The following PDGFD variants were observed in gnomAD, a reference collection of about 807,000 sequenced individuals.
PDGFD encodes platelet derived growth factor D, also known as platelet-derived growth factor D.
PDGFD carries 30 observed loss-of-function variants against 44.7 expected under a neutral mutation model. That is an observed-to-expected ratio of 0.67 (90% CI 0.50 to 0.91). The LOEUF (loss-of-function observed/expected upper bound fraction) is 0.91, where lower values mean the gene tolerates loss of function less well. PDGFD is among the 40% of genes least tolerant of loss of function. The pLI, the probability that PDGFD is intolerant of heterozygous loss-of-function variation, is 0.00. For synonymous variants in PDGFD, 173 were observed against 168.4 expected (o/e 1.03, Z -0.21); for missense variants, 445 against 457.8 (o/e 0.97, Z 0.25).
intron 3 of PDGFD, 55 bp downstream of exon 3, chr11:103,996,010 C>G (rs1859529298): frequency 6.7e-7 from 1 of 1,491,250 alleles, no homozygotes; most frequent in Non-Finnish European, 9.2e-7. Context: ...AAATTGATCT[C>G]TACACTTCAT....
At chr11:104,003,830 G>A (rs1859657290) in intron 1 of PDGFD, among the ~76,000 whole-genome samples, 1 of 152,208 alleles carries the variant, frequency 6.6e-6, no homozygotes, top group South Asian at 2.1e-4. Flanking sequence ...AAGGGAAGGT[G>A]AAGCTTGGTG....
At chr11:104,001,880 T>C (rs79741346) in intron 1 of PDGFD, among the ~76,000 whole-genome samples, 2,878 of 152,314 alleles carry the variant, frequency 0.019, 98 homozygotes, top group African/African-American at 0.065. Flanking sequence ...AGGATAAGAA[T>C]TGGCATGTGA....
chr11:104,036,370 C>T (rs1198935798), intron 1 of PDGFD, among the ~76,000 whole-genome samples: 5 of 151,982 alleles, frequency 3.3e-5, no homozygotes, highest in Non-Finnish European at 7.4e-5. Flanking sequence ...CTTGAGCCTA[C>T]GAGGTCGAGG....
At chr11:104,091,489 T>C (rs949725187) in intron 1 of PDGFD, among the ~76,000 whole-genome samples, 1 of 152,180 alleles carries the variant, frequency 6.6e-6, no homozygotes, top group Admixed American at 6.6e-5. Context: ...CTCTGGGGTA[T>C]ATATTCAAAA....
Position 103,996,103 on chromosome 11 carries a change from C to G in PDGFD, c.472G>C (p.Val158Leu), listed in dbSNP as rs1159962221. 1.1e-5 allele frequency: 17 copies of G among 1,613,582 alleles called. No individual in the cohort carries two copies. In the South Asian group the frequency reaches 1.9e-4, roughly 18 times the overall value. ...TAAATCTTGAATCCAGGTTTAGCCA[C>G]AAAGTAGTCATCGGACTTGAATGTG... is the stretch of plus-strand genomic sequence containing the variant. ...KITFKSDDYF[V>L]AKPGFKIYYS... The change falls in exon 3 of 7, where the codon GTG (valine) becomes CTG (leucine). Residue 158 changes from valine to leucine, a missense_variant. Physicochemically the swap from Val to Leu is conservative, Grantham distance 32. Transcript: ENST00000393158.
At chr11:104,163,395 A>G (rs1222245758) in intron 1 of PDGFD, among the ~76,000 whole-genome samples, 2 of 152,330 alleles carry the variant, frequency 1.3e-5, no homozygotes, top group Admixed American at 6.5e-5. Context: ...ATAAACGTCT[A>G]TCACCCAGGG....
Position 104,119,175 on chromosome 11 carries a change from T to A in PDGFD, c.124+44629A>T, listed in dbSNP as rs1293727731. On this transcript the variant is annotated intron_variant, in intron 1 of 6. Coordinates refer to ENST00000393158, the MANE Select transcript of PDGFD (RefSeq NM_025208.5). ...ATATATTGATATAACATATAATATA[T>A]TAATATAATATATTGATATAATATA... Among the ~76,000 whole-genome samples, 77 of 8,476 alleles carry A rather than the reference T, an allele frequency of 9.1e-3. 24 individuals are homozygous for A. The highest frequency in any genetic ancestry group is 0.022 in the Admixed American group (4 of 178). 5.6% of individuals were successfully genotyped at this position (8,476 alleles called of 152,430 possible).
At position 103,985,137 on chromosome 11, in the gene PDGFD, TATATA is replaced by T. The variant is rs1243596266; in HGVS notation, c.510+10923_510+10927del. Reference sequence around the variant, plus strand: ...ATATATAATATATTAATTTATTTAATATATAATATATTAATTTATTTAATATATAA... The same window carrying T: ...ATATATAATATATTAATTTATTTAATATATATTAATTTATTTAATATATAA... On this transcript the variant is annotated intron_variant, in intron 3 of 6. Transcript: ENST00000393158. Among the ~76,000 whole-genome samples the T allele has an allele frequency of 2.4e-4, 34 of 141,566 alleles. 1 individual carries two copies. Among genetic ancestry groups the T allele is most frequent in the African/African-American group, 8.6e-4 (33 of 38,162 alleles). 92.9% of individuals were successfully genotyped at this position (141,566 alleles called of 152,430 possible).
intron 1 of PDGFD, among the ~76,000 whole-genome samples, chr11:104,026,634 C>T (rs756275088): frequency 6.6e-6 from 1 of 152,166 alleles, no homozygotes; most frequent in Non-Finnish European, 1.5e-5. Context: ...CATTTGGATG[C>T]CTGCTATCAT....
intron 3 of PDGFD, among the ~76,000 whole-genome samples, chr11:103,957,108 G>T (rs934783645): frequency 2.6e-5 from 4 of 152,040 alleles, no homozygotes; most frequent in African/African-American, 9.7e-5. Flanking sequence ...ATTGCTTTTG[G>T]TGTTTTAGAC....
intron 1 of PDGFD, among the ~76,000 whole-genome samples, chr11:104,012,816 G>A (rs1318935282): frequency 6.6e-6 from 1 of 152,212 alleles, no homozygotes; most frequent in African/African-American, 2.4e-5. Context: ...AATATTTAGA[G>A]CTATGCAGGG....
rs750400615 is a variant in PDGFD at position 104,037,920 on chromosome 11, G to T, written c.125-37665C>A. The T allele has an allele frequency of 1.2e-5, 19 of 1,614,042 alleles. No individual in the cohort carries two copies. The highest frequency in any genetic ancestry group is 1.6e-5 in the Non-Finnish European group (19 of 1,180,030). On this transcript the variant is annotated intron_variant, in intron 1 of 6. Coordinates refer to ENST00000393158, the MANE Select transcript of PDGFD (RefSeq NM_025208.5). The stretch of plus-strand genomic sequence containing the variant: ...CTTATTTTCTTCCTGAGGGAGAGTT[G>T]CCCTTATGCTCTAGGATGGTAAGTG...
At chr11:103,919,502 CTT>C (rs71037206) in intron 6 of PDGFD, among the ~76,000 whole-genome samples, 23 of 88,770 alleles carry the variant, frequency 2.6e-4, no homozygotes, top group African/African-American at 5.9e-4. Context: ...AAGATTCTTC[CTT>C]TTTTTTTTTT....
At chr11:103,993,476 C>T (rs1859490565) in intron 3 of PDGFD, among the ~76,000 whole-genome samples, 1 of 151,792 alleles carries the variant, frequency 6.6e-6, no homozygotes, top group East Asian at 1.9e-4. Flanking sequence ...GTTTAGCATT[C>T]TAAAATTTAT....
chr11:103,945,251 G>A (rs1441255955), intron 4 of PDGFD, among the ~76,000 whole-genome samples: 1 of 152,108 alleles, frequency 6.6e-6, no homozygotes, highest in Non-Finnish European at 1.5e-5. Flanking sequence ...TTCTGTTTCT[G>A]ATAGGTTGTC....
chr11:103,982,608 A>G (rs1859288309), intron 3 of PDGFD, among the ~76,000 whole-genome samples: 1 of 151,812 alleles, frequency 6.6e-6, no homozygotes, highest in South Asian at 2.1e-4. Flanking sequence ...TCCGAATAGG[A>G]AGAGAGAAAG....
chr11:103,973,138 C>CTTTTTTTTTTTTTTTTTTTTT (rs555810765), intron 3 of PDGFD, among the ~76,000 whole-genome samples: 1 of 134,416 alleles, frequency 7.4e-6, no homozygotes, highest in Non-Finnish European at 1.6e-5. Context: ...AAAGTGGTCA[C>CTTTTTTTTTTTTTTTTTTTTT]TTTTTTTTTT....
At chr11:103,988,876 A>T (rs1216049393) in intron 3 of PDGFD, among the ~76,000 whole-genome samples, 1 of 152,218 alleles carries the variant, frequency 6.6e-6, no homozygotes, top group Non-Finnish European at 1.5e-5. Flanking sequence ...TCCCTAATCC[A>T]TGCTTCATGG....
rs556219433 is a variant in PDGFD, at chr11:103,943,491, G to A, written c.733C>T (p.Arg245Trp). ...TCATGGTATGACCTGCCTCGATACC[G>A]AGGGGTGTCCAGATACATATTCTCA... ...DLENMYLDTP[R>W]YRGRSYHDRK... is the part of the protein sequence containing the mutation. Residue 245 changes from arginine to tryptophan, a missense_variant, in exon 5 of 7, where the codon CGG becomes TGG. Transcript: ENST00000393158. 25 of 1,612,876 alleles carry A rather than the reference G, an allele frequency of 1.6e-5. No individual in the cohort carries two copies. Among genetic ancestry groups the A allele is most frequent in the Middle Eastern group, 1.7e-4 (1 of 5,920 alleles).
Sources: gnomAD v4.1 joint callset for allele counts (sites outside exome capture counted in the v4.1 genomes callset) on GRCh38, gnomAD v4.1.1 for gene constraint, MANE v1.5 for transcripts, NCBI Gene and HGNC (gene_info 2026-07-23, HGNC 2026-07-21) for gene names.